Variants in SULF2 observed in about 807,000 individuals in gnomAD.
The protein encoded by SULF2 is extracellular sulfatase Sulf-2.
SULF2 carries 52 observed loss-of-function variants against 107.7 expected under a neutral mutation model. That is an observed-to-expected ratio of 0.48 (90% CI 0.39 to 0.61). The LOEUF (loss-of-function observed/expected upper bound fraction) is 0.61. Ranked by LOEUF, SULF2 falls within the 20% of genes least tolerant of loss-of-function variation. The pLI, the probability that SULF2 is intolerant of heterozygous loss-of-function variation, is 0.00. For synonymous variants in SULF2, 460 were observed against 464.3 expected (o/e 0.99, Z 0.12); for missense variants, 993 against 1,177.3 (o/e 0.84, Z 2.29).
chr20:47,754,994 T>C (rs2090247604), intron 2 of SULF2, among the ~76,000 whole-genome samples: 1 of 146,030 alleles, frequency 6.8e-6, no homozygotes, highest in Non-Finnish European at 1.5e-5. Flanking sequence ...CCACCATCCT[T>C]GGCTGATTTT....
chr20:47,659,308 T>G, intron 20 of SULF2, 91 bp downstream of exon 20: 3 of 1,109,316 alleles, frequency 2.7e-6, no homozygotes, highest in Non-Finnish European at 4.1e-6. Context: ...CAAAGGGTGG[T>G]ATGTAAGAAA....
At chr20:47,686,589 G>A (rs2088011612) in intron 5 of SULF2, among the ~76,000 whole-genome samples, 1 of 152,206 alleles carries the variant, frequency 6.6e-6, no homozygotes, top group Non-Finnish European at 1.5e-5. Context: ...GAGCTCCCGC[G>A]AAGAAGAGGA....
chr20:47,724,179 C>T (rs1034427280), intron 3 of SULF2, among the ~76,000 whole-genome samples: 1 of 152,146 alleles, frequency 6.6e-6, no homozygotes, highest in Non-Finnish European at 1.5e-5. Context: ...AGTGGGCAGC[C>T]GTAGGAGGTT....
intron 1 of SULF2, among the ~76,000 whole-genome samples, chr20:47,771,149 C>T (rs886072972): frequency 1.3e-5 from 2 of 152,200 alleles, no homozygotes. Context: ...AAGTGAAACC[C>T]GATCTGATCC....
chr20:47,757,358 G>T lies in SULF2; in HGVS notation c.6C>A (p.Gly2=). The change falls in exon 2 of 21, where the codon GGC becomes GGA. Residue 2 remains glycine, a synonymous_variant. Coordinates refer to ENST00000688720, the MANE Select transcript of SULF2 (RefSeq NM_001387048.1). M[G]PPSLVLCLLS... is the part of the protein sequence containing the mutation. ...GCAAGCACAGCACGAGGCTCGGGGGGCCCATCTTCTTTTTTTGCTGATCTG... is the reference window on the plus strand; with the variant it reads ...GCAAGCACAGCACGAGGCTCGGGGGTCCCATCTTCTTTTTTTGCTGATCTG... 1 of 1,584,828 alleles carries T rather than the reference G, an allele frequency of 6.3e-7. No homozygotes were observed. The highest frequency in any genetic ancestry group is 2.3e-5 in the East Asian group (1 of 43,810).
At chr20:47,784,084 C>T (rs770606909) in intron 1 of SULF2, among the ~76,000 whole-genome samples, 4 of 152,126 alleles carry the variant, frequency 2.6e-5, no homozygotes, top group Admixed American at 6.5e-5. Flanking sequence ...CGCGCAGATC[C>T]GGGGGTGTCC....
rs756634350 is a variant in SULF2 at position 47,757,376 on chromosome 20, C to T, written c.-13G>A. On this transcript the variant is annotated 5_prime_UTR_variant, in exon 2 of 21. Transcript: ENST00000688720. ...TCGGGGGGCCCATCTTCTTTTTTTG[C>T]TGATCTGGTGCTTCTTTTGGGATGC... 5.7e-6 allele frequency: 9 copies of T among 1,572,198 alleles called. No individual in the cohort carries two copies. The highest frequency in any genetic ancestry group is 1.7e-6 in the Non-Finnish European group (2 of 1,155,062).
chr20:47,702,588 GTTT>G lies in SULF2; in HGVS notation c.495_497del (p.Lys165del). ...ACAGCGTGTAGTTATAAAAGCGGGA[GTTT>G]TTAAGGAGTCCGACCCACTCCTTCC... On this transcript the variant is annotated inframe_deletion, in exon 4 of 21. Transcript: ENST00000688720. 6.2e-7 allele frequency: 1 copy of G among 1,613,728 alleles called. No individual in the cohort carries two copies. The highest frequency in any genetic ancestry group is 8.5e-7 in the Non-Finnish European group (1 of 1,180,028).
chr20:47,741,164 CG>C (rs1330081623), intron 2 of SULF2, among the ~76,000 whole-genome samples: 37 of 152,126 alleles, frequency 2.4e-4, no homozygotes, highest in Admixed American at 2.4e-3. Context: ...TGACACTCTC[CG>C]GGGCTCCTGC....
chr20:47,723,353 G>T (rs2089348106), intron 3 of SULF2, among the ~76,000 whole-genome samples: 1 of 152,150 alleles, frequency 6.6e-6, no homozygotes, highest in South Asian at 2.1e-4. Flanking sequence ...TGAGAGGGTT[G>T]AGGAGTACTA....
chr20:47,724,944 C>A (rs1362535122), intron 3 of SULF2, among the ~76,000 whole-genome samples: 1 of 152,124 alleles, frequency 6.6e-6, no homozygotes, highest in African/African-American at 2.4e-5. Context: ...CATGTCATTT[C>A]CACAAAATCA....
Position 47,678,061 on chromosome 20 carries a change from ACT to A in SULF2, c.1193+613_1193+614del, listed in dbSNP as rs1337937664. The A allele has an allele frequency of 6.6e-6, 1 of 152,252 alleles. No homozygotes were observed. Among genetic ancestry groups the A allele is most frequent in the African/African-American group, 2.4e-5 (1 of 41,516 alleles). 9.4% of individuals were successfully genotyped at this position (152,252 alleles called of 1,614,324 possible). ...CGGCCACACCAGCCTCCCCGCCCTG[ACT>A]CAGCCCACCTCCCACCTGTCTGACT... On this transcript the variant is annotated intron_variant, in intron 8 of 20. Coordinates refer to ENST00000688720, the MANE Select transcript of SULF2 (RefSeq NM_001387048.1). This position sits in a 1 kb window ranked among gnomAD's most constrained non-coding sequence, Gnocchi z 4.5.
chr20:47,748,256 G>A (rs559931631), intron 2 of SULF2, among the ~76,000 whole-genome samples: 49 of 152,254 alleles, frequency 3.2e-4, no homozygotes, highest in African/African-American at 1.2e-3. Flanking sequence ...ACCTGTTCCT[G>A]CCACAGGGCT....
chr20:47,688,915 C>T (rs1376017469), intron 5 of SULF2, among the ~76,000 whole-genome samples: 1 of 152,226 alleles, frequency 6.6e-6, no homozygotes, highest in Admixed American at 6.5e-5. Flanking sequence ...AGATTCCAAA[C>T]CACCCCATCC....
chr20:47,673,367 G>C (rs138891668), intron 10 of SULF2, among the ~76,000 whole-genome samples: 1 of 152,176 alleles, frequency 6.6e-6, no homozygotes, highest in Admixed American at 6.5e-5. Context: ...ACCCTACGAG[G>C]CAGGTGCTGT....
chr20:47,662,524 G>C (rs775022090), intron 17 of SULF2, among the ~76,000 whole-genome samples: 1 of 152,218 alleles, frequency 6.6e-6, no homozygotes, highest in Non-Finnish European at 1.5e-5. Context: ...GAAAGCTCTA[G>C]TGCTGGAGCT....
rs149974719 is a variant in SULF2, at chr20:47,694,188, G to A, written c.568-3893C>T. On this transcript the variant is annotated intron_variant, in intron 4 of 20. Coordinates refer to ENST00000688720, the MANE Select transcript of SULF2 (RefSeq NM_001387048.1). The surrounding 1 kb of genome is among the most constrained non-coding windows in gnomAD (Gnocchi z 4.4). ...CCTCCGGCCACAGGGCTTCAGCCAT[G>A]CCCTGTTCTCTCTGAGGGAGAGAAC... Among the ~76,000 whole-genome samples, 658 of 152,352 alleles carry A rather than the reference G, an allele frequency of 4.3e-3. 3 individuals carry two copies. Among genetic ancestry groups the A allele is most frequent in the African/African-American group, 0.015 (624 of 41,584 alleles).
At chr20:47,781,354 C>T (rs547680522) in intron 1 of SULF2, among the ~76,000 whole-genome samples, 12 of 152,368 alleles carry the variant, frequency 7.9e-5, no homozygotes, top group Non-Finnish European at 1.6e-4. Context: ...GGGGACTCCC[C>T]GTGCTGTTTT....
chr20:47,720,759 T>C lies in SULF2; in HGVS notation c.415+15944A>G, dbSNP rs185608907. Among the ~76,000 whole-genome samples, 685 of 152,288 alleles carry C rather than the reference T, an allele frequency of 4.5e-3. 1 individual carries two copies. The highest frequency in any genetic ancestry group is 7.3e-3 in the Non-Finnish European group (495 of 68,024). On this transcript the variant is annotated intron_variant, in intron 3 of 20. Coordinates refer to ENST00000688720, the MANE Select transcript of SULF2 (RefSeq NM_001387048.1). ...TCAGGCTGAGTTTTGATCCTACCCC[T>C]GACACCAGTAGAAGAGTCCTCCACT... is the stretch of plus-strand genomic sequence containing the variant.
Sources: gnomAD v4.1 joint callset for allele counts (sites outside exome capture counted in the v4.1 genomes callset) on GRCh38, gnomAD v4.1.1 for gene constraint, Gnocchi (gnomAD v3.1) non-coding constraint, MANE v1.5 for transcripts, NCBI Gene and HGNC (gene_info 2026-07-23, HGNC 2026-07-21) for gene names.